Variants in SORBS2 observed in about 807,000 individuals in gnomAD.
The protein encoded by SORBS2 is sorbin and SH3 domain containing 2.
A neutral mutation model predicts 97.7 loss-of-function variants in SORBS2; 46 were observed. That is an observed-to-expected ratio of 0.47 (90% confidence interval 0.37 to 0.60). The LOEUF is 0.60. Among genes scored for constraint, SORBS2 ranks in the 20% least tolerant of loss-of-function variants. SORBS2 has a pLI of 0.00. For synonymous variants in SORBS2, 476 were observed against 473.4 expected (o/e 1.01, Z -0.07); for missense variants, 1,316 against 1,282.3 (o/e 1.03, Z -0.40).
At chr4:185,883,970 A>C (rs1461789738) in intron 1 of SORBS2, among the ~76,000 whole-genome samples, 2 of 152,242 alleles carry the variant, frequency 1.3e-5, no homozygotes, top group East Asian at 3.8e-4. Flanking sequence ...GATGTTATCC[A>C]TAAGACTTTC....
chr4:185,946,803 G>C (rs1022080164), intron 1 of SORBS2, among the ~76,000 whole-genome samples: 2 of 152,026 alleles, frequency 1.3e-5, no homozygotes, highest in Non-Finnish European at 1.5e-5. Context: ...TAAAACCTTC[G>C]GTTGGCTTTT....
At chr4:185,723,144 A>T (rs181590683) in intron 2 of SORBS2, among the ~76,000 whole-genome samples, 1,701 of 152,290 alleles carry the variant, frequency 0.011, 12 homozygotes, top group Non-Finnish European at 0.015. Context: ...ACCATTAAAA[A>T]AAAATAAAAT....
rs370277297 is a variant in SORBS2 at position 185,623,775 on chromosome 4, G to A, written c.1354C>T (p.Arg452Trp). ...TCCAGCAAATACTCAATGGAAAACC[G>A]CCTCTTGGGACATAGGCCATTTTGC... The change falls in exon 7 of 15, where the codon CGG becomes TGG. Residue 452 changes from arginine (R) to tryptophan (W), a missense_variant. Arg to Trp is a moderately radical substitution (Grantham distance 101, BLOSUM62 -3). Transcript: ENST00000418609. This position sits in a 1 kb window ranked among gnomAD's most constrained non-coding sequence, Gnocchi z 6.4. The A allele has an allele frequency of 1.2e-6, 2 of 1,613,636 alleles. No homozygotes were observed. Among genetic ancestry groups the A allele is most frequent in the Admixed American group, 1.7e-5 (1 of 59,972 alleles).
intron 1 of SORBS2, among the ~76,000 whole-genome samples, chr4:185,804,421 A>C (rs1354456510): frequency 1.3e-5 from 2 of 152,352 alleles, no homozygotes; most frequent in East Asian, 3.9e-4. Context: ...AAGACTGGAC[A>C]CGTCAAAACA....
intron 1 of SORBS2, among the ~76,000 whole-genome samples, chr4:185,910,247 T>C (rs956191679): frequency 1.2e-4 from 19 of 152,172 alleles, no homozygotes; most frequent in Admixed American, 2.0e-4. Flanking sequence ...TATAAAATGC[T>C]ATGGTTCCCA....
intron 1 of SORBS2, among the ~76,000 whole-genome samples, chr4:185,862,102 C>A (rs1440543582): frequency 6.6e-6 from 1 of 152,136 alleles, no homozygotes; most frequent in Non-Finnish European, 1.5e-5. Context: ...TCCAGAAACA[C>A]TATACAAATT....
intron 4 of SORBS2, among the ~76,000 whole-genome samples, chr4:185,644,267 A>G (rs2097174286): frequency 6.6e-6 from 1 of 152,162 alleles, no homozygotes; most frequent in African/African-American, 2.4e-5. Context: ...CTGTGGCTGC[A>G]GAGACCTATC....
chr4:185,606,951 A>G lies in SORBS2; in HGVS notation c.2796+4829T>C. The G allele has an allele frequency of 1.0e-6, 1 of 992,850 alleles. No homozygotes were observed. Among genetic ancestry groups the G allele is most frequent in the Non-Finnish European group, 1.2e-6 (1 of 834,154 alleles). 61.5% of individuals were successfully genotyped at this position (992,850 alleles called of 1,614,324 possible). A position where few individuals can be genotyped will look rare whatever the true frequency, so the allele number is the denominator to read the frequency against. ...CCCTTCTCATTTTTCTCAACTCTGC[A>G]AAGTTGCTTTGAGTTGTCGTTCTGG... On this transcript the variant is annotated intron_variant, in intron 12 of 14. Coordinates refer to ENST00000418609, the Ensembl canonical transcript of SORBS2. The surrounding 1 kb of genome is among the most constrained non-coding windows in gnomAD (Gnocchi z 4.3).
intron 2 of SORBS2, chr4:185,690,611 C>A: frequency 7.0e-7 from 1 of 1,437,134 alleles, no homozygotes; most frequent in Non-Finnish European, 9.5e-7. Flanking sequence ...CTTCAGTTTT[C>A]CTGTAGGAAA....
At chr4:185,686,261 A>T (rs1038301395) in intron 2 of SORBS2, among the ~76,000 whole-genome samples, 1 of 152,156 alleles carries the variant, frequency 6.6e-6, no homozygotes, top group Admixed American at 6.5e-5. Flanking sequence ...ATTGGTAAAG[A>T]TGCTCGGAAG....
At chr4:185,720,409 T>G (rs10017683) in intron 2 of SORBS2, among the ~76,000 whole-genome samples, 33,113 of 152,182 alleles carry the variant, frequency 0.22, 4,280 homozygotes, top group Non-Finnish European at 0.29. Context: ...TCCTTCTAAC[T>G]GTCTTGGGTT....
intron 1 of SORBS2, among the ~76,000 whole-genome samples, chr4:185,906,958 T>G (rs751393973): frequency 1.3e-5 from 2 of 152,000 alleles, no homozygotes; most frequent in East Asian, 3.9e-4. Context: ...AAACCCCGTG[T>G]CTACTAAAAA....
chr4:185,878,422 G>A (rs62335021), intron 1 of SORBS2, among the ~76,000 whole-genome samples: 7 of 151,918 alleles, frequency 4.6e-5, no homozygotes, highest in African/African-American at 1.7e-4. Flanking sequence ...TCGTCCCTCC[G>A]CCTTATTTCC....
Position 185,731,873 on chromosome 4 carries a change from T to C in SORBS2, c.-198+43354A>G, listed in dbSNP as rs1341651849. On this transcript the variant is annotated intron_variant, in intron 2 of 20. Transcript: ENST00000284776. Reference sequence around the variant, plus strand: ...CTCTCTCTCTCTCTCTCTCTATATATATATATATATATATATATATATATA... The same window carrying C: ...CTCTCTCTCTCTCTCTCTCTATATACATATATATATATATATATATATATA... Among the ~76,000 whole-genome samples the C allele has an allele frequency of 3.7e-3, 71 of 19,208 alleles. 1 individual carries two copies. The highest frequency in any genetic ancestry group is 5.9e-3 in the South Asian group (3 of 506). The allele number at this position is 19,208 out of a possible 152,430, so 12.6% of individuals were successfully genotyped here. A position where few individuals can be genotyped will look rare whatever the true frequency, so the allele number is the denominator to read the frequency against.
chr4:185,635,300 A>T lies in SORBS2; in HGVS notation c.397-4702T>A, dbSNP rs1408727625. On this transcript the variant is annotated intron_variant, in intron 4 of 14. Coordinates refer to ENST00000418609, the Ensembl canonical transcript of SORBS2. ...TTGTAAAACACAGATGTGCAGAATCACAGTCACAGCCTCTAAGGGAGATAT... is the reference window on the plus strand; with the variant it reads ...TTGTAAAACACAGATGTGCAGAATCTCAGTCACAGCCTCTAAGGGAGATAT... The T allele has an allele frequency of 2.4e-6, 3 of 1,264,820 alleles. No individual in the cohort carries two copies. In the East Asian group the frequency reaches 7.0e-5, roughly 29 times the overall value. 78.3% of individuals were successfully genotyped at this position (1,264,820 alleles called of 1,614,324 possible).
intron 4 of SORBS2, among the ~76,000 whole-genome samples, chr4:185,668,691 A>G (rs2097658524): frequency 6.6e-6 from 1 of 152,198 alleles, no homozygotes; most frequent in East Asian, 1.9e-4. Context: ...AATCTGGACT[A>G]CCTCAAAAAT....
chr4:185,782,143 TG>T (rs1227231339), intron 1 of SORBS2, among the ~76,000 whole-genome samples: 1 of 152,386 alleles, frequency 6.6e-6, no homozygotes, highest in Admixed American at 6.5e-5. Context: ...GTACATTTTT[TG>T]GTTCTATATT....
At chr4:185,594,307 C>T (rs546865127) in intron 12 of SORBS2, among the ~76,000 whole-genome samples, 4 of 152,262 alleles carry the variant, frequency 2.6e-5, no homozygotes, top group East Asian at 1.9e-4. Context: ...TATTCTCCAG[C>T]GTTTTCTCAA....
chr4:185,664,448 G>A (rs1008431291), intron 4 of SORBS2, among the ~76,000 whole-genome samples: 2 of 152,022 alleles, frequency 1.3e-5, no homozygotes, highest in African/African-American at 2.4e-5. Context: ...TCTTTTTTTG[G>A]TTAAAGGTCC....
Sources: gnomAD v4.1 joint callset for allele counts (sites outside exome capture counted in the v4.1 genomes callset) on GRCh38, gnomAD v4.1.1 for gene constraint, Gnocchi (gnomAD v3.1) non-coding constraint, MANE v1.5 for transcripts, NCBI Gene and HGNC (gene_info 2026-07-23, HGNC 2026-07-21) for gene names.